DPF1: variants seen among roughly 807,000 people sequenced by gnomAD.
The protein encoded by DPF1 is double PHD fingers 1.
Under a neutral mutation model 58.7 loss-of-function variants are expected in DPF1, and 14 were observed. The ratio of observed to expected loss-of-function variants is 0.24; its 90% CI spans 0.16 to 0.37. The LOEUF (loss-of-function observed/expected upper bound fraction) is 0.37. Ranked by LOEUF, DPF1 falls within the 10% of genes least tolerant of loss-of-function variation. The pLI, the probability that DPF1 is intolerant of heterozygous loss-of-function variation, is 1.00. For synonymous variants in DPF1, 216 were observed against 216.0 expected (o/e 1.00, Z 0.00); for missense variants, 345 against 529.9 (o/e 0.65, Z 3.43).
At chr19:38,217,213 C>A (rs1029088442) in intron 7 of DPF1, among the ~76,000 whole-genome samples, 5 of 152,198 alleles carry the variant, frequency 3.3e-5, no homozygotes, top group African/African-American at 1.2e-4. Flanking sequence ...ATCACCCCCC[C>A]TCCCCAAGCT....
At position 38,212,142 on chromosome 19, in the gene DPF1, G is replaced by T. The variant is rs778062087; in HGVS notation, c.1094-9C>A. On this transcript the variant is annotated splice_polypyrimidine_tract_variant and intron_variant, in intron 11 of 11. Transcript: ENST00000355526. ...GTGACAGCTCCAGCTCCCTGCGGGG[G>T]CAGCCGAAGCTGAAGTCAGGCCCGG... is the stretch of plus-strand genomic sequence containing the variant. 9.3e-6 allele frequency: 15 copies of T among 1,606,530 alleles called. No homozygotes were observed. Among genetic ancestry groups the T allele is most frequent in the Non-Finnish European group, 1.2e-5 (14 of 1,177,980 alleles).
chr19:38,215,997 C>G, intron 9 of DPF1, 143 bp downstream of exon 9: 1 of 1,394,794 alleles, frequency 7.2e-7, no homozygotes. Context: ...TTGCATCAGC[C>G]TCGCTAGCTC....
At chr19:38,227,598 G>T (rs528131805), upstream of DPF1, among the ~76,000 whole-genome samples, 1 of 152,100 alleles carries the variant, frequency 6.6e-6, no homozygotes, top group Admixed American at 6.6e-5. Flanking sequence ...AATCAATATT[G>T]ATACTACTAA....
At chr19:38,220,679 T>C (rs1967406296) in intron 3 of DPF1, among the ~76,000 whole-genome samples, 1 of 151,154 alleles carries the variant, frequency 6.6e-6, no homozygotes, top group African/African-American at 2.4e-5. Flanking sequence ...GCCCTCCAGA[T>C]ACACCTAGAC....
chr19:38,222,890 G>T lies in DPF1; in HGVS notation c.30-182C>A. On this transcript the variant is annotated intron_variant, in intron 1 of 11. Coordinates refer to ENST00000355526, the MANE Select transcript of DPF1 (RefSeq NM_001135155.3). The surrounding 1 kb of genome is among the most constrained non-coding windows in gnomAD (Gnocchi z 4.9). ...CTGGGGGAAGGGGACAGGGCCCAGG[G>T]GCCCCCAAACTGGGACTCAAACAGG... 5 of 888,216 alleles carry T rather than the reference G, an allele frequency of 5.6e-6. No individual in the cohort carries two copies. The highest frequency in any genetic ancestry group is 8.0e-6 in the Non-Finnish European group (5 of 627,260). The allele number at this position is 888,216 out of a possible 1,614,324, so 55.0% of individuals were successfully genotyped here.
chr19:38,219,560 C>T (rs1967296684), intron 3 of DPF1: 1 of 154,050 alleles, frequency 6.5e-6, no homozygotes, highest in Admixed American at 6.5e-5. Flanking sequence ...TCTCAGCTCA[C>T]TGCGACTCCC....
upstream of DPF1, among the ~76,000 whole-genome samples, chr19:38,226,319 G>A (rs1263384061): frequency 7.7e-6 from 1 of 130,202 alleles, no homozygotes; most frequent in Non-Finnish European, 1.6e-5. Context: ...CTTCCACCCG[G>A]ACCCCTGTAG....
At chr19:38,215,720 C>T (rs539757460) in intron 9 of DPF1, among the ~76,000 whole-genome samples, 34 of 152,130 alleles carry the variant, frequency 2.2e-4, no homozygotes, top group African/African-American at 8.2e-4. Flanking sequence ...AGGTGCACAA[C>T]AACACACCTG....
intron 9 of DPF1, among the ~76,000 whole-genome samples, chr19:38,214,677 G>A (rs1444261043): frequency 6.6e-6 from 1 of 151,966 alleles, no homozygotes; most frequent in African/African-American, 2.4e-5. Flanking sequence ...TCTTGTTTTG[G>A]TTTTTGAAAC....
chr19:38,227,080 T>C (rs1967865626), upstream of DPF1, among the ~76,000 whole-genome samples: 1 of 151,352 alleles, frequency 6.6e-6, no homozygotes, highest in African/African-American at 2.4e-5. Flanking sequence ...TCTTTCTCTT[T>C]TTCTCTTTTT....
rs780452354 is a variant in DPF1, at chr19:38,222,565, T to C, written c.173A>G (p.Lys58Arg). The C allele has an allele frequency of 7.5e-6, 12 of 1,610,518 alleles. No homozygotes were observed. Residue 58 changes from lysine (K) to arginine (R), a missense_variant, in exon 2 of 12, where the codon AAG becomes AGG. Coordinates refer to ENST00000355526, the MANE Select transcript of DPF1 (RefSeq NM_001135155.3). This position sits in a 1 kb window ranked among gnomAD's most constrained non-coding sequence, Gnocchi z 4.9. The part of the protein sequence containing the change: ...AQNNCYIWME[K>R]THRGPGLAPG... The stretch of plus-strand genomic sequence containing the variant: ...GGCGGTACCCGGCCCGCGGTGGGTC[T>C]TCTCCATCCAGATGTAGCAGTTGTT...
intron 9 of DPF1, among the ~76,000 whole-genome samples, 177 bp downstream of exon 9, chr19:38,215,963 C>T (rs1966984084): frequency 6.6e-6 from 1 of 152,202 alleles, no homozygotes; most frequent in Non-Finnish European, 1.5e-5. Flanking sequence ...ACTGATCCGA[C>T]CCAATTCCCA....
Position 38,216,049 on chromosome 19 carries a change from G to A in DPF1, c.898+91C>T, listed in dbSNP as rs1456410771. ...CCCCTACATGCTCCGGGTCCCCTCGGTCCTCACCGCCTTGCCTCCCTCCCT... is the reference window on the plus strand; with the variant it reads ...CCCCTACATGCTCCGGGTCCCCTCGATCCTCACCGCCTTGCCTCCCTCCCT... On this transcript the variant is annotated intron_variant, in intron 9 of 11. Coordinates refer to ENST00000355526, the MANE Select transcript of DPF1 (RefSeq NM_001135155.3). The A allele has an allele frequency of 4.0e-6, 6 of 1,514,896 alleles. No homozygotes were observed. In the East Asian group the frequency reaches 1.4e-4, roughly 35 times the overall value. 93.8% of individuals were successfully genotyped at this position (1,514,896 alleles called of 1,614,324 possible).
chr19:38,228,862 C>A (rs993414911), upstream of DPF1, among the ~76,000 whole-genome samples: 5 of 152,002 alleles, frequency 3.3e-5, no homozygotes, highest in South Asian at 2.1e-4. Flanking sequence ...GGAGGGAATC[C>A]CCGGAGACCG....
chr19:38,222,803 C>T lies in DPF1; in HGVS notation c.30-95G>A, dbSNP rs893816897. ...CCCCGGCTGCCGGGCCGCCCAGGCT[C>T]GGGAGGGGTGGGCCGACCCCTCCAG... is the stretch of plus-strand genomic sequence containing the variant. On this transcript the variant is annotated intron_variant, in intron 1 of 11. Coordinates refer to ENST00000355526, the MANE Select transcript of DPF1 (RefSeq NM_001135155.3). The surrounding 1 kb of genome is among the most constrained non-coding windows in gnomAD (Gnocchi z 4.9). The T allele has an allele frequency of 6.4e-6, 9 of 1,411,748 alleles. No individual in the cohort carries two copies. The highest frequency in any genetic ancestry group is 8.3e-6 in the Non-Finnish European group (9 of 1,082,690). The allele number at this position is 1,411,748 out of a possible 1,614,324, so 87.5% of individuals were successfully genotyped here.
chr19:38,211,766 G>A lies in DPF1; in HGVS notation c.*297C>T. On this transcript the variant is annotated 3_prime_UTR_variant, in exon 12 of 12. Transcript: ENST00000355526. This position sits in a 1 kb window ranked among gnomAD's most constrained non-coding sequence, Gnocchi z 4.0. Reference sequence around the variant, plus strand: ...AAAGGCTCTGTCCATGCCCCTGGCTGGCACCCACCACCCCCCATGCCCGCC... The same window carrying A: ...AAAGGCTCTGTCCATGCCCCTGGCTAGCACCCACCACCCCCCATGCCCGCC... 2.2e-6 allele frequency: 1 copy of A among 464,316 alleles called. No homozygotes were observed. Among genetic ancestry groups the A allele is most frequent in the Non-Finnish European group, 3.8e-6 (1 of 262,458 alleles). The allele number at this position is 464,316 out of a possible 1,614,324, so 28.8% of individuals were successfully genotyped here.
intron 10 of DPF1, 87 bp downstream of exon 10, chr19:38,213,557 C>CA (rs1433507541): frequency 8.4e-7 from 1 of 1,187,086 alleles, no homozygotes; most frequent in Non-Finnish European, 1.2e-6. Flanking sequence ...AGGGAAGGCT[C>CA]AGGCACAGGC....
At position 38,211,649 on chromosome 19, in the gene DPF1, C is replaced by T. The variant is rs1238926023; in HGVS notation, c.*414G>A. On this transcript the variant is annotated 3_prime_UTR_variant, in exon 12 of 12. Coordinates refer to ENST00000355526, the MANE Select transcript of DPF1 (RefSeq NM_001135155.3). This position sits in a 1 kb window ranked among gnomAD's most constrained non-coding sequence, Gnocchi z 4.0. ...GGACACTCTCAGCAGCGCCCCTCCA[C>T]CCAGCCAGGCCTTGGAGGACTCTTT... 1.3e-5 allele frequency: 2 copies of T among 154,514 alleles called. No homozygotes were observed. Among genetic ancestry groups the T allele is most frequent in the African/African-American group, 4.8e-5 (2 of 41,526 alleles). 9.6% of individuals were successfully genotyped at this position (154,514 alleles called of 1,614,324 possible). A position where few individuals can be genotyped will look rare whatever the true frequency, so the allele number is the denominator to read the frequency against.
In DPF1 at chr19:38,211,898, A is replaced by C. The variant is rs1198038375; in HGVS notation, c.*165T>G. ...GCCCTGGCCGGGCCCACCCACCCACAGGGCAGACATTCCACTTGCACAGAG... is the reference window on the plus strand; with the variant it reads ...GCCCTGGCCGGGCCCACCCACCCACCGGGCAGACATTCCACTTGCACAGAG... On this transcript the variant is annotated 3_prime_UTR_variant, in exon 12 of 12. Coordinates refer to ENST00000355526, the MANE Select transcript of DPF1 (RefSeq NM_001135155.3). The surrounding 1 kb of genome is among the most constrained non-coding windows in gnomAD (Gnocchi z 4.0). The C allele has an allele frequency of 1.4e-6, 1 of 726,492 alleles. No individual in the cohort carries two copies. The highest frequency in any genetic ancestry group is 2.2e-6 in the Non-Finnish European group (1 of 449,586). The allele number at this position is 726,492 out of a possible 1,614,324, so 45.0% of individuals were successfully genotyped here. A position where few individuals can be genotyped will look rare whatever the true frequency, so the allele number is the denominator to read the frequency against.
Sources: gnomAD v4.1 joint callset for allele counts (sites outside exome capture counted in the v4.1 genomes callset) on GRCh38, gnomAD v4.1.1 for gene constraint, Gnocchi (gnomAD v3.1) non-coding constraint, MANE v1.5 for transcripts, NCBI Gene and HGNC (gene_info 2026-07-23, HGNC 2026-07-21) for gene names.